The following PCDHGB3 variants were observed in gnomAD, a reference collection of about 807,000 sequenced individuals.
PCDHGB3 encodes protocadherin gamma subfamily B, 3, also known as protocadherin gamma-B3.
Under a neutral mutation model 59.2 loss-of-function variants are expected in PCDHGB3, and 40 were observed. The observed-to-expected ratio is 0.68, with a 90% confidence interval of 0.52 to 0.88. The LOEUF (loss-of-function observed/expected upper bound fraction) is 0.88, where lower values mean the gene tolerates loss of function less well. Among genes scored for constraint, PCDHGB3 ranks in the 40% least tolerant of loss-of-function variants. The pLI is 0.00. For missense variants in PCDHGB3, 1,309 were observed against 1,187.9 expected, an observed-to-expected ratio of 1.10 and a Z score of -1.50; for synonymous variants, 581 against 503.6, an observed-to-expected ratio of 1.15 and a Z score of -2.06.
intron 1 of PCDHGB3, chr5:141,378,905 C>T (rs1043140389): frequency 1.3e-5 from 2 of 152,088 alleles, no homozygotes; most frequent in African/African-American, 4.8e-5. Context: ...ATTCTGTTAT[C>T]GACAGTCTTC....
chr5:141,479,568 G>A (rs553213095), intron 1 of PCDHGB3: 2 of 152,346 alleles, frequency 1.3e-5, no homozygotes, highest in East Asian at 3.9e-4. Context: ...GTAGTGGGAT[G>A]ACATCTGTGA....
chr5:141,403,532 C>T (rs1313886103), intron 1 of PCDHGB3: 2 of 1,613,892 alleles, frequency 1.2e-6, no homozygotes, highest in African/African-American at 2.7e-5. Context: ...AAACCCAGAG[C>T]TGGTGCTGGA....
chr5:141,415,029 G>A (rs777967290), intron 1 of PCDHGB3: 4 of 1,613,436 alleles, frequency 2.5e-6, no homozygotes, highest in Non-Finnish European at 3.4e-6. Flanking sequence ...CCAGCGAGCC[G>A]GGACTCTTCG....
intron 1 of PCDHGB3, 151 bp downstream of exon 1, chr5:141,372,960 G>T (rs1769206598): frequency 1.4e-6 from 1 of 709,456 alleles, no homozygotes; most frequent in Non-Finnish European, 2.2e-6. Context: ...ATTCTTTGTA[G>T]AATTTCCTGT....
At chr5:141,404,776 A>G (rs2094566348) in intron 1 of PCDHGB3, 1 of 1,612,952 alleles carries the variant, frequency 6.2e-7, no homozygotes, top group Non-Finnish European at 8.5e-7. Flanking sequence ...CCTACCGCCT[A>G]TTCAAGGCCA....
chr5:141,472,980 C>CAAAAAAAAAAAAAAAAAAGAAAAAAA (rs60579131), intron 1 of PCDHGB3, among the ~76,000 whole-genome samples: 1 of 86,106 alleles, frequency 1.2e-5, no homozygotes, highest in South Asian at 4.3e-4. Flanking sequence ...GAGTGAAACT[C>CAAAAAAAAAAAAAAAAAAGAAAAAAA]AAAAAAAAAA....
chr5:141,446,482 C>A (rs961785845), intron 1 of PCDHGB3, among the ~76,000 whole-genome samples: 2 of 146,988 alleles, frequency 1.4e-5, no homozygotes, highest in Non-Finnish European at 3.0e-5. Flanking sequence ...GGTCATCATT[C>A]TTTTTTTTTT....
chr5:141,510,510 G>A (rs1042950478), intron 3 of PCDHGB3, among the ~76,000 whole-genome samples: 5 of 152,132 alleles, frequency 3.3e-5, no homozygotes, highest in Non-Finnish European at 5.9e-5. Context: ...CTGAGAGCCC[G>A]TGTCACAGCC....
intron 1 of PCDHGB3, among the ~76,000 whole-genome samples, chr5:141,446,827 C>A (rs922071842): frequency 6.6e-6 from 1 of 152,114 alleles, no homozygotes; most frequent in Non-Finnish European, 1.5e-5. Context: ...TGGGTAGATC[C>A]TTATAAGGCT....
Position 141,487,229 on chromosome 5 carries a change from G to A in PCDHGB3, c.2416-7578G>A. On this transcript the variant is annotated intron_variant, in intron 1 of 3. Coordinates refer to ENST00000576222, the MANE Select transcript of PCDHGB3 (RefSeq NM_018924.5). The surrounding 1 kb of genome is among the most constrained non-coding windows in gnomAD (Gnocchi z 5.0). ...AGAATCTTCAGCTCCAAGGGAAGGA[G>A]AATCTCGTCTAACCCTCTACTTGGC... is the stretch of plus-strand genomic sequence containing the variant. The A allele has an allele frequency of 6.2e-7, 1 of 1,614,138 alleles. No individual in the cohort carries two copies. The highest frequency in any genetic ancestry group is 8.5e-7 in the Non-Finnish European group (1 of 1,179,994).
At chr5:141,386,206 G>A (rs931130731) in intron 1 of PCDHGB3, among the ~76,000 whole-genome samples, 2 of 152,116 alleles carry the variant, frequency 1.3e-5, no homozygotes, top group East Asian at 3.9e-4. Context: ...ACCAGTAGTT[G>A]ATTTTATTTA....
chr5:141,398,360 G>A, intron 1 of PCDHGB3: 1 of 1,413,656 alleles, frequency 7.1e-7, no homozygotes, highest in Non-Finnish European at 9.8e-7. Flanking sequence ...TTCACCGTGA[G>A]CGCAGAGAGC....
intron 1 of PCDHGB3, chr5:141,422,195 A>G: frequency 6.4e-7 from 1 of 1,562,278 alleles, no homozygotes; most frequent in African/African-American, 1.4e-5. Flanking sequence ...ATTCAAGGCC[A>G]AGATGGTGGA....
intron 2 of PCDHGB3, 117 bp downstream of exon 2, chr5:141,494,982 G>T: frequency 1.3e-6 from 2 of 1,563,940 alleles, no homozygotes; most frequent in Non-Finnish European, 1.7e-6. Flanking sequence ...CTCAGTTTGA[G>T]ATCCCAGGGA....
intron 1 of PCDHGB3, chr5:141,478,272 A>G: frequency 6.2e-7 from 1 of 1,614,160 alleles, no homozygotes; most frequent in Non-Finnish European, 8.5e-7. Context: ...AAAGTTTACA[A>G]GTGGAAGCAG....
At chr5:141,421,296 G>C in intron 1 of PCDHGB3, 1 of 1,613,444 alleles carries the variant, frequency 6.2e-7, no homozygotes, top group Non-Finnish European at 8.5e-7. Context: ...TCCTGGGGAC[G>C]CTGCGGGGGT....
chr5:141,372,274 G>T lies in PCDHGB3; in HGVS notation c.1880G>T (p.Arg627Leu), dbSNP rs767978142. The change falls in exon 1 of 4, where the codon CGC (arginine) becomes CTC (leucine). Residue 627 changes from arginine to leucine, a missense_variant. Physicochemically the swap from Arg to Leu is moderately radical, Grantham distance 102. Coordinates refer to ENST00000576222, the MANE Select transcript of PCDHGB3 (RefSeq NM_018924.5). Reference sequence around the variant, plus strand: ...CTGGGCCTGCGCACGGGTGAGGTGCGCACGGCGCGTACCTTGGGCGACAGG... The same window carrying T: ...CTGGGCCTGCGCACGGGTGAGGTGCTCACGGCGCGTACCTTGGGCGACAGG... ...FSLGLRTGEV[R>L]TARTLGDREA... 4.3e-6 allele frequency: 7 copies of T among 1,612,960 alleles called. No homozygotes were observed. Among genetic ancestry groups the T allele is most frequent in the Non-Finnish European group, 3.4e-6 (4 of 1,179,814 alleles).
At chr5:141,387,300 T>C (rs1171181488) in intron 1 of PCDHGB3, among the ~76,000 whole-genome samples, 1 of 152,224 alleles carries the variant, frequency 6.6e-6, no homozygotes, top group Non-Finnish European at 1.5e-5. Context: ...ATGTATCCAG[T>C]ATATTTCTAA....
chr5:141,491,646 G>T lies in PCDHGB3; in HGVS notation c.2416-3161G>T. On this transcript the variant is annotated intron_variant, in intron 1 of 3. Transcript: ENST00000576222. The surrounding 1 kb of genome is among the most constrained non-coding windows in gnomAD (Gnocchi z 6.9). ...GCGTTCAGCAGCCCACAGCTCTGGC[G>T]CTGGAGCCTGACGCCATCCGGTCCC... is the stretch of plus-strand genomic sequence containing the variant. 1 of 1,613,872 alleles carries T rather than the reference G, an allele frequency of 6.2e-7. No individual in the cohort carries two copies. The highest frequency in any genetic ancestry group is 8.5e-7 in the Non-Finnish European group (1 of 1,180,030).
Sources: allele counts gnomAD v4.1 joint callset (sites outside exome capture counted in the v4.1 genomes callset), GRCh38; gene constraint gnomAD v4.1.1; non-coding constraint Gnocchi (gnomAD v3.1); transcripts MANE v1.5; gene names NCBI Gene and HGNC (gene_info 2026-07-23, HGNC 2026-07-21).